The following XPA variants were observed in gnomAD, a reference collection of about 807,000 sequenced individuals.
XPA encodes the protein XPA, DNA damage recognition and repair factor, also known as DNA repair protein complementing XP-A cells.
XPA carries 27 observed loss-of-function variants against 35.7 expected under a neutral mutation model. That is an observed-to-expected ratio of 0.76 (90% CI 0.56 to 1.04). The LOEUF is 1.04. Ranked by LOEUF, XPA falls within the 50% of genes least tolerant of loss-of-function variation. The pLI is 0.00. For missense variants in XPA, 354 were observed against 342.7 expected, an observed-to-expected ratio of 1.03 and a Z score of -0.26; for synonymous variants, 133 against 118.4, an observed-to-expected ratio of 1.12 and a Z score of -0.80.
chr9:97,670,157 A>G, downstream of XPA: 7 of 245,788 alleles, frequency 2.8e-5, no homozygotes, highest in South Asian at 5.6e-5. Context: ...TCCTGACCTC[A>G]GGAGGCCTCC....
chr9:97,669,627 G>A, the XPA span: 10 of 1,612,738 alleles, frequency 6.2e-6, no homozygotes, highest in Non-Finnish European at 7.6e-6. Context: ...CACCTAGTAC[G>A]ATGCGAAACT....
At chr9:97,674,514 T>TTAAC (rs1211787675), downstream of XPA, among the ~76,000 whole-genome samples, 1 of 152,228 alleles carries the variant, frequency 6.6e-6, no homozygotes, top group Non-Finnish European at 1.5e-5. Context: ...TCAGGTTATT[T>TTAAC]TAACTAACTG....
chr9:97,676,264 A>T (rs955693935), intron 5 of XPA, among the ~76,000 whole-genome samples: 2 of 152,222 alleles, frequency 1.3e-5, no homozygotes, highest in Non-Finnish European at 2.9e-5. Flanking sequence ...GAGCAAAGAT[A>T]GTTTAACTGT....
Position 97,675,720 on chromosome 9 carries a change from T to G in XPA, c.674-133A>C. The G allele has an allele frequency of 9.9e-6, 11 of 1,110,772 alleles. 1 individual carries two copies. The South Asian group carries it at 1.5e-4, about 15-fold the overall frequency. 68.8% of individuals were successfully genotyped at this position (1,110,772 alleles called of 1,614,324 possible). Reference sequence around the variant, plus strand: ...TATTTAAACCATATATAGTTTACCTTAATTTTATAACAAAGTTGATTATAC... The same window carrying G: ...TATTTAAACCATATATAGTTTACCTGAATTTTATAACAAAGTTGATTATAC... On this transcript the variant is annotated intron_variant, in intron 5 of 5. Transcript: ENST00000375128.
Position 97,684,940 on chromosome 9 carries a change from A to C in XPA, c.656T>G (p.Phe219Cys), listed in dbSNP as rs768658649. 5 of 1,613,294 alleles carry C rather than the reference A, an allele frequency of 3.1e-6. No individual in the cohort carries two copies. The highest frequency in any genetic ancestry group is 1.3e-5 in the African/African-American group (1 of 74,896). Residue 219 changes from phenylalanine (F) to cysteine (C), a missense_variant, in exon 5 of 6, where the codon TTT (phenylalanine) becomes TGT (cysteine). Coordinates refer to ENST00000375128, the MANE Select transcript of XPA (RefSeq NM_000380.4). Reference protein sequence around the residue: ...ENREKMKQKKFDKKVKELRRA... With the variant: ...ENREKMKQKKCDKKVKELRRA... ...CCATCTACCTTTTACTTTTTTATCA[A>C]ATTTCTTCTGTTTCATTTTTTCTCG...
chr9:97,680,491 G>A (rs1229566302), intron 5 of XPA, among the ~76,000 whole-genome samples: 2 of 152,170 alleles, frequency 1.3e-5, no homozygotes, highest in African/African-American at 4.8e-5. Context: ...TTACAGAAGT[G>A]TTGGGATTAC....
intron 5 of XPA, among the ~76,000 whole-genome samples, chr9:97,678,705 C>G (rs890493054): frequency 6.6e-6 from 1 of 152,134 alleles, no homozygotes; most frequent in Non-Finnish European, 1.5e-5. Flanking sequence ...GACACTAAAT[C>G]TAGGGGGATA....
intron 5 of XPA, among the ~76,000 whole-genome samples, chr9:97,677,404 G>GT (rs1210153113): frequency 1.3e-5 from 2 of 152,048 alleles, no homozygotes; most frequent in Non-Finnish European, 2.9e-5. Flanking sequence ...AAGTATTCGG[G>GT]GCCAGGTGCA....
At chr9:97,663,124 T>C in the XPA span, 2 of 1,154,066 alleles carry the variant, frequency 1.7e-6, no homozygotes, top group Non-Finnish European at 2.5e-6. Flanking sequence ...TGCCATTGTT[T>C]TGTTTGTAAA....
chr9:97,664,077 G>A, the XPA span, among the ~76,000 whole-genome samples: 1 of 151,960 alleles, frequency 6.6e-6, no homozygotes, highest in Non-Finnish European at 1.5e-5. Flanking sequence ...TGCTCAGGAG[G>A]TTGAGGCAGG....
At chr9:97,692,467 C>T (rs1828923635) in intron 2 of XPA, among the ~76,000 whole-genome samples, 1 of 151,982 alleles carries the variant, frequency 6.6e-6, no homozygotes, top group Non-Finnish European at 1.5e-5. Flanking sequence ...AGAAGCATAT[C>T]TATAGACAAA....
chr9:97,688,957 G>A (rs189088433), intron 3 of XPA, among the ~76,000 whole-genome samples: 54 of 152,288 alleles, frequency 3.5e-4, no homozygotes, highest in African/African-American at 1.3e-3. Flanking sequence ...ATTTGGCTGA[G>A]TAAACAGTAG....
chr9:97,680,001 TGTC>T (rs993317671), intron 5 of XPA, among the ~76,000 whole-genome samples: 77 of 152,290 alleles, frequency 5.1e-4, no homozygotes, highest in South Asian at 4.1e-4. Flanking sequence ...AAAATGTCAA[TGTC>T]GTGAAAGACA....
At chr9:97,655,238 T>C in the XPA span, among the ~76,000 whole-genome samples, 1 of 152,190 alleles carries the variant, frequency 6.6e-6, no homozygotes, top group African/African-American at 2.4e-5. Flanking sequence ...TGAGACAGGG[T>C]CTTGCTCTGT....
downstream of XPA, among the ~76,000 whole-genome samples, chr9:97,673,899 T>A (rs1411619060): frequency 6.6e-6 from 1 of 152,226 alleles, no homozygotes; most frequent in African/African-American, 2.4e-5. Flanking sequence ...AATAGAAGCA[T>A]CCCTTAACTA....
chr9:97,697,330 G>A lies in XPA; in HGVS notation c.-38C>T, dbSNP rs764341524. ...CCGAGGACCTAGCTCCCAGCTCCAC[G>A]CACGCGCACTGCACGCCGAGGCGAG... On this transcript the variant is annotated 5_prime_UTR_variant, in exon 1 of 6. Coordinates refer to ENST00000375128, the MANE Select transcript of XPA (RefSeq NM_000380.4). The A allele has an allele frequency of 6.9e-6, 11 of 1,595,258 alleles. No homozygotes were observed. The highest frequency in any genetic ancestry group is 5.0e-5 in the Admixed American group (3 of 59,876).
the XPA span, among the ~76,000 whole-genome samples, chr9:97,657,914 A>C: frequency 2.7e-3 from 282 of 102,674 alleles, 1 homozygote; most frequent in East Asian, 0.011. Context: ...CTCTATATAT[A>C]TATATATATA....
chr9:97,674,820 C>G, downstream of XPA: 1 of 390,634 alleles, frequency 2.6e-6, no homozygotes, highest in Admixed American at 3.6e-5. Context: ...ATGAAAACAG[C>G]TCTTTTCCAT....
rs1828736153 is a variant in XPA, at chr9:97,686,960, C to T, written c.555+136G>A. On this transcript the variant is annotated intron_variant, in intron 4 of 5. Coordinates refer to ENST00000375128, the MANE Select transcript of XPA (RefSeq NM_000380.4). ...AAACATGTTATTAAATGTCATTATACATGACTGTGAAGCATATGCAAAACT... is the reference window on the plus strand; with the variant it reads ...AAACATGTTATTAAATGTCATTATATATGACTGTGAAGCATATGCAAAACT... 16 of 808,938 alleles carry T rather than the reference C, an allele frequency of 2.0e-5. No individual in the cohort carries two copies. The South Asian group carries it at 2.9e-4, about 15-fold the overall frequency. The allele number at this position is 808,938 out of a possible 1,614,324, so 50.1% of individuals were successfully genotyped here.
Sources: allele counts gnomAD v4.1 joint callset (sites outside exome capture counted in the v4.1 genomes callset), GRCh38; gene constraint gnomAD v4.1.1; transcripts MANE v1.5; gene names NCBI Gene and HGNC (gene_info 2026-07-23, HGNC 2026-07-21).